The following KCNQ2 variants were observed in gnomAD, a reference collection of about 807,000 sequenced individuals.
The protein encoded by KCNQ2 is potassium voltage-gated channel subfamily Q member 2, also known as potassium voltage-gated channel subfamily KQT member 2.
In KCNQ2, 14 loss-of-function variants were observed where a neutral mutation model predicts 84.8. That is an observed-to-expected ratio of 0.17 (90% CI 0.11 to 0.26). The LOEUF (loss-of-function observed/expected upper bound fraction) is 0.26. Ranked by LOEUF, KCNQ2 falls within the 10% of genes least tolerant of loss-of-function variation. The probability of loss-of-function intolerance (pLI) is 1.00; values close to 1 mark genes in which losing one functional copy is unlikely to be tolerated. For missense variants in KCNQ2, 788 were observed against 1,254.0 expected, an observed-to-expected ratio of 0.63 and a Z score of 5.61; for synonymous variants, 599 against 554.1, an observed-to-expected ratio of 1.08 and a Z score of -1.14.
chr20:63,408,209 A>G lies in KCNQ2; in HGVS notation c.1887+204T>C. On this transcript the variant is annotated intron_variant, in intron 16 of 16. Coordinates refer to ENST00000359125, the MANE Select transcript of KCNQ2 (RefSeq NM_172107.4). This position sits in a 1 kb window ranked among gnomAD's most constrained non-coding sequence, Gnocchi z 5.0. ...TGGCCCTTGGGTACTGTCAGGAGGGAAGGCACCCAGGCCGGGGGTGGGAGG... is the reference window on the plus strand; with the variant it reads ...TGGCCCTTGGGTACTGTCAGGAGGGGAGGCACCCAGGCCGGGGGTGGGAGG... 1 of 639,902 alleles carries G rather than the reference A, an allele frequency of 1.6e-6. No homozygotes were observed. The highest frequency in any genetic ancestry group is 2.7e-6 in the Non-Finnish European group (1 of 374,558). The allele number at this position is 639,902 out of a possible 1,614,324, so 39.6% of individuals were successfully genotyped here.
At chr20:63,448,696 G>A (rs1600804764) in intron 1 of KCNQ2, 1 of 152,326 alleles carries the variant, frequency 6.6e-6, no homozygotes, top group Non-Finnish European at 1.5e-5. Context: ...TCCCACAGAG[G>A]AAATATTCCC....
chr20:63,447,166 C>T (rs1600798913), intron 1 of KCNQ2, among the ~76,000 whole-genome samples: 2 of 152,180 alleles, frequency 1.3e-5, no homozygotes, highest in East Asian at 3.9e-4. Context: ...CATCCTTTGG[C>T]AACGTCTCCA....
At position 63,442,780 on chromosome 20, in the gene KCNQ2, C is replaced by CACCACCATCACCATT. The variant is rs2081227166; in HGVS notation, c.691-264_691-250dup. The stretch of plus-strand genomic sequence containing the variant: ...CCATCACCACCATCACCATCACCAC[C>CACCACCATCACCATT]ACCACCATCACCATTACCACCACCA... On this transcript the variant is annotated intron_variant, in intron 4 of 16. Transcript: ENST00000359125. 7.0e-5 allele frequency among the ~76,000 whole-genome samples: 2 copies of CACCACCATCACCATT among 28,736 alleles called. 1 individual carries two copies. Among genetic ancestry groups the CACCACCATCACCATT allele is most frequent in the Non-Finnish European group, 1.3e-4 (2 of 15,680 alleles). The allele number at this position is 28,736 out of a possible 152,430, so 18.9% of individuals were successfully genotyped here.
At chr20:63,444,583 A>T in intron 4 of KCNQ2, 76 bp downstream of exon 4, 1 of 1,279,664 alleles carries the variant, frequency 7.8e-7, no homozygotes, top group Non-Finnish European at 1.0e-6. Context: ...AACCCCAGGC[A>T]GGGGTGGGGC....
intron 1 of KCNQ2, among the ~76,000 whole-genome samples, chr20:63,452,922 T>G (rs1328439034): frequency 6.6e-6 from 1 of 151,698 alleles, no homozygotes; most frequent in Non-Finnish European, 1.5e-5. Context: ...GGGCAGGGGT[T>G]GGGGCGGGGG....
chr20:63,416,532 C>T (rs1426624120), intron 12 of KCNQ2, among the ~76,000 whole-genome samples: 12 of 152,304 alleles, frequency 7.9e-5, no homozygotes, highest in Admixed American at 6.5e-4. Context: ...TTAGCAGCCA[C>T]GGAACTTCTC....
chr20:63,430,478 G>A (rs2080759088), intron 9 of KCNQ2, among the ~76,000 whole-genome samples: 1 of 152,176 alleles, frequency 6.6e-6, no homozygotes, highest in African/African-American at 2.4e-5. Context: ...CAGGACGGGT[G>A]ACTGGCCCCT....
At chr20:63,456,570 G>C (rs1264253563) in intron 1 of KCNQ2, among the ~76,000 whole-genome samples, 1 of 152,196 alleles carries the variant, frequency 6.6e-6, no homozygotes, top group African/African-American at 2.4e-5. Context: ...AGCCAGGGTT[G>C]GGTCAGGAGG....
chr20:63,419,653 C>T lies in KCNQ2; in HGVS notation c.1267G>A (p.Gly423Arg). The T allele has an allele frequency of 6.2e-7, 1 of 1,611,636 alleles. No homozygotes were observed. The highest frequency in any genetic ancestry group is 8.5e-7 in the Non-Finnish European group (1 of 1,179,588). Reference protein sequence around the residue: ...PSPSKGSPCRGPLCGCCPGRS... With the variant: ...PSPSKGSPCRRPLCGCCPGRS... ...CCGGGGCAGCATCCACACAGGGGCCCTCTGCACGGGCTGCCTTTACTGGAA... is the reference window on the plus strand; with the variant it reads ...CCGGGGCAGCATCCACACAGGGGCCTTCTGCACGGGCTGCCTTTACTGGAA... The change falls in exon 12 of 17, where the codon GGG becomes AGG. Residue 423 changes from glycine (G) to arginine (R), a missense_variant. By Grantham distance (125) the Gly-to-Arg change is moderately radical. Around this residue, in one of 8 missense-constraint regions of KCNQ2, gnomAD observed 202 missense variants for 239.4 expected, o/e 0.84. Coordinates refer to ENST00000359125, the MANE Select transcript of KCNQ2 (RefSeq NM_172107.4).
rs763012060 is a variant in KCNQ2, at chr20:63,433,913, G to A, written c.1024-10C>T. The A allele has an allele frequency of 1.2e-6, 2 of 1,612,550 alleles. No homozygotes were observed. Among genetic ancestry groups the A allele is most frequent in the South Asian group, 1.1e-5 (1 of 91,024 alleles). Reference sequence around the variant, plus strand: ...AGAATCTCCAGGCCGACTGCGGAGGGAAAGACAAGGCAGTTGGCGAGGGGC... The same window carrying A: ...AGAATCTCCAGGCCGACTGCGGAGGAAAAGACAAGGCAGTTGGCGAGGGGC... On this transcript the variant is annotated splice_polypyrimidine_tract_variant and intron_variant, in intron 7 of 16. Coordinates refer to ENST00000359125, the MANE Select transcript of KCNQ2 (RefSeq NM_172107.4).
At chr20:63,456,690 G>A (rs1415884106) in intron 1 of KCNQ2, among the ~76,000 whole-genome samples, 2 of 152,090 alleles carry the variant, frequency 1.3e-5, no homozygotes, top group African/African-American at 2.4e-5. Flanking sequence ...TTTCACAGTC[G>A]GGAAAACAGA....
rs2081919937 is a variant in KCNQ2, at chr20:63,460,449, C to T, written c.296+11719G>A. ...TGACCGAGGCTCCCAGCAGGCCTTC[C>T]CCCCCACAGCCCCCTGAGACAGCCA... On this transcript the variant is annotated intron_variant, in intron 1 of 16. Coordinates refer to ENST00000359125, the MANE Select transcript of KCNQ2 (RefSeq NM_172107.4). The surrounding 1 kb of genome is among the most constrained non-coding windows in gnomAD (Gnocchi z 5.4). 6.6e-6 allele frequency among the ~76,000 whole-genome samples: 1 copy of T among 152,014 alleles called. No individual in the cohort carries two copies. The highest frequency in any genetic ancestry group is 2.1e-4 in the South Asian group (1 of 4,810).
At chr20:63,456,395 A>G (rs2081798466) in intron 1 of KCNQ2, among the ~76,000 whole-genome samples, 1 of 152,126 alleles carries the variant, frequency 6.6e-6, no homozygotes, top group Non-Finnish European at 1.5e-5. Flanking sequence ...GCGACTCTGG[A>G]TCCTCCAGTC....
chr20:63,449,367 C>G (rs1180778421), intron 1 of KCNQ2: 5 of 152,294 alleles, frequency 3.3e-5, no homozygotes, highest in Admixed American at 3.3e-4. Flanking sequence ...CGCCTGACTC[C>G]ACCATGCTGT....
Position 63,472,518 on chromosome 20 carries a change from CGG to C in KCNQ2, c.-57_-56del. On this transcript the variant is annotated 5_prime_UTR_variant, in exon 1 of 17. An upstream open reading frame in the 5' UTR loses its in-frame stop. Transcript: ENST00000359125. ...GCTCAGGCTCAGCGGGGGCGGAGCG[CGG>C]GGGGCGGCGCGGGCCCCAGCCCAGG... The C allele has an allele frequency of 7.5e-7, 1 of 1,337,806 alleles. No homozygotes were observed. The highest frequency in any genetic ancestry group is 9.5e-7 in the Non-Finnish European group (1 of 1,047,386). The allele number at this position is 1,337,806 out of a possible 1,614,324, so 82.9% of individuals were successfully genotyped here. A position where few individuals can be genotyped will look rare whatever the true frequency, so the allele number is the denominator to read the frequency against.
intron 1 of KCNQ2, among the ~76,000 whole-genome samples, chr20:63,461,771 C>CCCACCCCAGGGAGCAGGGAAGAGG (rs2145870077): frequency 1.5e-5 from 2 of 136,970 alleles, no homozygotes; most frequent in South Asian, 4.9e-4. Context: ...GGAGGCTGCA[C>CCCACCCCAGGGAGCAGGGAAGAGG]CTACCCCAGG....
rs1031229346 is a variant in KCNQ2, at chr20:63,446,512, T to C, written c.387+235A>G. Among the ~76,000 whole-genome samples the C allele has an allele frequency of 6.6e-6, 1 of 151,956 alleles. No homozygotes were observed. The highest frequency in any genetic ancestry group is 1.5e-5 in the Non-Finnish European group (1 of 67,976). The stretch of plus-strand genomic sequence containing the variant: ...CGATGGAGGCGGGGCTGTCAGCCAC[T>C]GTGAGGTCACCAGGAGGGGTGAGGT... On this transcript the variant is annotated intron_variant, in intron 2 of 16. Coordinates refer to ENST00000359125, the MANE Select transcript of KCNQ2 (RefSeq NM_172107.4). This position sits in a 1 kb window ranked among gnomAD's most constrained non-coding sequence, Gnocchi z 5.5.
chr20:63,439,735 C>A, intron 5 of KCNQ2, 27 bp from the exon 6 acceptor site: 1 of 1,540,534 alleles, frequency 6.5e-7, no homozygotes, highest in Non-Finnish European at 9.0e-7. Context: ...TCTAGTCACA[C>A]GAAGGGCCTG....
intron 4 of KCNQ2, among the ~76,000 whole-genome samples, chr20:63,444,263 G>C (rs1001103769): frequency 6.6e-6 from 1 of 152,218 alleles, no homozygotes; most frequent in Admixed American, 6.5e-5. Flanking sequence ...AGCGGCCGCC[G>C]CAAGCCGCAG....
Sources: allele counts gnomAD v4.1 joint callset (sites outside exome capture counted in the v4.1 genomes callset), GRCh38; gene constraint gnomAD v4.1.1; regional missense constraint gnomAD v4.1.1; non-coding constraint Gnocchi (gnomAD v3.1); transcripts MANE v1.5; gene names NCBI Gene and HGNC (gene_info 2026-07-23, HGNC 2026-07-21).